Variants in NREP observed in about 807,000 individuals in gnomAD.
NREP encodes neuronal regeneration related protein.
In NREP, 5 loss-of-function variants were observed where a neutral mutation model predicts 8.6. That is an observed-to-expected ratio of 0.58 (90% CI 0.30 to 1.22). The LOEUF (loss-of-function observed/expected upper bound fraction) is 1.22, where lower values mean the gene tolerates loss of function less well. Ranked by LOEUF, NREP falls within the 50% of genes most tolerant of loss-of-function variation. NREP has a pLI of 0.07. For synonymous variants in NREP, 27 were observed against 28.0 expected (o/e 0.96, Z 0.11); for missense variants, 86 against 82.5 (o/e 1.04, Z -0.17).
intron 2 of NREP, among the ~76,000 whole-genome samples, chr5:111,812,137 A>G (rs910231707): frequency 6.6e-6 from 1 of 152,096 alleles, no homozygotes; most frequent in African/African-American, 2.4e-5. Flanking sequence ...AAATACAAAA[A>G]TTATCTGGGC....
intron 2 of NREP, among the ~76,000 whole-genome samples, chr5:111,754,469 G>A (rs1265990486): frequency 1.3e-5 from 2 of 152,198 alleles, no homozygotes. Context: ...GAGCTTGGAG[G>A]CAAGGTGATG....
chr5:111,845,130 T>G (rs902991979), intron 2 of NREP, among the ~76,000 whole-genome samples: 1 of 152,032 alleles, frequency 6.6e-6, no homozygotes, highest in Non-Finnish European at 1.5e-5. Flanking sequence ...GGGCAGACCT[T>G]GTGCTAGGGT....
chr5:111,767,696 T>C (rs1188168271), intron 2 of NREP, among the ~76,000 whole-genome samples: 1 of 152,126 alleles, frequency 6.6e-6, no homozygotes, highest in Non-Finnish European at 1.5e-5. Context: ...GACAGAGTCT[T>C]TCTCTGTAAC....
intron 2 of NREP, among the ~76,000 whole-genome samples, chr5:111,886,785 A>G (rs1754261618): frequency 6.6e-6 from 1 of 151,178 alleles, no homozygotes; most frequent in African/African-American, 2.4e-5. Flanking sequence ...GACCACATGG[A>G]CACAGGAAGG....
At chr5:111,896,964 G>A (rs1440116102) in intron 2 of NREP, among the ~76,000 whole-genome samples, 1 of 152,060 alleles carries the variant, frequency 6.6e-6, no homozygotes, top group Non-Finnish European at 1.5e-5. Context: ...ATTCAAAACA[G>A]TTTATCATCA....
At chr5:111,874,852 T>C (rs1380568766) in intron 2 of NREP, among the ~76,000 whole-genome samples, 2 of 152,178 alleles carry the variant, frequency 1.3e-5, no homozygotes, top group Non-Finnish European at 2.9e-5. Context: ...ATGATTCAGA[T>C]AGGCTTGGAA....
At chr5:111,803,326 G>A (rs1229723284) in intron 2 of NREP, among the ~76,000 whole-genome samples, 3 of 152,038 alleles carry the variant, frequency 2.0e-5, no homozygotes, top group Admixed American at 6.6e-5. Context: ...TATCAAAGGC[G>A]GAGAAGAAAA....
chr5:111,861,206 G>A (rs544078641), intron 2 of NREP, among the ~76,000 whole-genome samples: 1 of 152,268 alleles, frequency 6.6e-6, no homozygotes, highest in South Asian at 2.1e-4. Context: ...CCTGCCATGA[G>A]GTGGGTTTGG....
intron 2 of NREP, among the ~76,000 whole-genome samples, chr5:111,881,306 G>A (rs1452978845): frequency 6.6e-6 from 1 of 152,186 alleles, no homozygotes; most frequent in Non-Finnish European, 1.5e-5. Flanking sequence ...GCTTGCTTAG[G>A]TAAACAAAGC....
chr5:111,801,363 T>A (rs534392664), intron 2 of NREP, among the ~76,000 whole-genome samples: 53 of 152,334 alleles, frequency 3.5e-4, no homozygotes, highest in Non-Finnish European at 5.4e-4. Context: ...AACCAACACC[T>A]GCTTTAAATT....
In NREP at chr5:111,730,780, T is replaced by C; in HGVS notation, c.*141A>G. 4.1e-6 allele frequency: 4 copies of C among 971,832 alleles called. No homozygotes were observed. Among genetic ancestry groups the C allele is most frequent in the East Asian group, 2.5e-5 (1 of 40,532 alleles). 60.2% of individuals were successfully genotyped at this position (971,832 alleles called of 1,614,324 possible). Reference sequence around the variant, plus strand: ...GGTTTGATGACACCTATTTGTCCACTGTAAATTCTCTAAAGCAAGGCTCAG... The same window carrying C: ...GGTTTGATGACACCTATTTGTCCACCGTAAATTCTCTAAAGCAAGGCTCAG... On this transcript the variant is annotated 3_prime_UTR_variant, in exon 4 of 4. Transcript: ENST00000257435.
chr5:111,919,561 A>C (rs1015820242), intron 2 of NREP, among the ~76,000 whole-genome samples: 3 of 152,096 alleles, frequency 2.0e-5, no homozygotes, highest in African/African-American at 7.2e-5. Context: ...GGATGAGTTC[A>C]TATCTTTACA....
intron 2 of NREP, among the ~76,000 whole-genome samples, chr5:111,847,666 T>C (rs935570652): frequency 6.6e-6 from 1 of 152,204 alleles, no homozygotes; most frequent in Non-Finnish European, 1.5e-5. Context: ...TCTATCTGTA[T>C]ATCTGTGTTT....
At chr5:111,752,773 C>T (rs911422494) in intron 2 of NREP, among the ~76,000 whole-genome samples, 2 of 151,610 alleles carry the variant, frequency 1.3e-5, no homozygotes, top group African/African-American at 2.4e-5. Context: ...GAGTCCATGG[C>T]ACACACACAC....
intron 2 of NREP, among the ~76,000 whole-genome samples, chr5:111,818,640 G>A (rs1752446853): frequency 6.6e-6 from 1 of 152,162 alleles, no homozygotes; most frequent in African/African-American, 2.4e-5. Context: ...TGATTTCTCT[G>A]AAGTATTTGA....
intron 2 of NREP, among the ~76,000 whole-genome samples, chr5:111,804,647 T>C (rs1752093561): frequency 6.6e-6 from 1 of 151,838 alleles, no homozygotes; most frequent in Admixed American, 6.6e-5. Context: ...GGGAAAGCGC[T>C]GCTATCCCTA....
chr5:111,853,505 C>T (rs761036600), intron 2 of NREP, among the ~76,000 whole-genome samples: 2 of 151,776 alleles, frequency 1.3e-5, no homozygotes, highest in African/African-American at 2.4e-5. Flanking sequence ...ATATAAGAAC[C>T]CTCTATGCTT....
chr5:111,969,872 G>C (rs906553279), intron 2 of NREP, among the ~76,000 whole-genome samples: 1 of 152,174 alleles, frequency 6.6e-6, no homozygotes, highest in Non-Finnish European at 1.5e-5. Flanking sequence ...CTGGTGGATT[G>C]AGAAGGGTGG....
chr5:111,864,407 C>A (rs1263603443), intron 2 of NREP, among the ~76,000 whole-genome samples: 1 of 151,986 alleles, frequency 6.6e-6, no homozygotes, highest in Non-Finnish European at 1.5e-5. Context: ...TAAAACATCT[C>A]TAAAACATGC....
Sources: allele counts gnomAD v4.1 joint callset (sites outside exome capture counted in the v4.1 genomes callset), GRCh38; gene constraint gnomAD v4.1.1; transcripts MANE v1.5; gene names NCBI Gene and HGNC (gene_info 2026-07-23, HGNC 2026-07-21).